HERC1: variants seen among roughly 807,000 people sequenced by gnomAD.
The protein encoded by HERC1 is probable E3 ubiquitin-protein ligase HERC1.
HERC1 carries 160 observed loss-of-function variants against 554.3 expected under a neutral mutation model. The observed-to-expected ratio is 0.29, with a 90% CI of 0.25 to 0.33. HERC1 has a LOEUF of 0.33. Among genes scored for constraint, HERC1 ranks in the 10% least tolerant of loss-of-function variants. The pLI, the probability that HERC1 is intolerant of heterozygous loss-of-function variation, is 1.00. For synonymous variants in HERC1, 2,175 were observed against 2,131.7 expected (o/e 1.02, Z -0.56); for missense variants, 4,919 against 5,918.5 (o/e 0.83, Z 5.54).
At chr15:63,711,692 A>G (rs1240731872) in intron 24 of HERC1, among the ~76,000 whole-genome samples, 1 of 152,236 alleles carries the variant, frequency 6.6e-6, no homozygotes, top group African/African-American at 2.4e-5. Context: ...GAGCTTATAG[A>G]TAAGTCCATC....
intron 52 of HERC1, among the ~76,000 whole-genome samples, chr15:63,651,739 T>C (rs992468341): frequency 7.2e-5 from 11 of 152,288 alleles, no homozygotes; most frequent in Middle Eastern, 3.4e-3. Context: ...CAGCTGGCTA[T>C]AAAACTATTA....
At chr15:63,759,851 C>T (rs950999189) in intron 3 of HERC1, among the ~76,000 whole-genome samples, 4 of 152,100 alleles carry the variant, frequency 2.6e-5, no homozygotes, top group Non-Finnish European at 5.9e-5. Flanking sequence ...TAAATAGTAT[C>T]CAAACAATAG....
In HERC1 at chr15:63,664,525, C is replaced by T. The variant is rs759280991; in HGVS notation, c.8625G>A (p.Ala2875=). The T allele has an allele frequency of 1.1e-5, 18 of 1,613,688 alleles. No homozygotes were observed. The highest frequency in any genetic ancestry group is 3.3e-5 in the South Asian group (3 of 91,040). The change falls in exon 43 of 78, where the codon GCG becomes GCA. Residue 2875 remains alanine (A), a synonymous_variant. Coordinates refer to ENST00000443617, the MANE Select transcript of HERC1 (RefSeq NM_003922.4). Reference sequence around the variant, plus strand: ...AGTCAAACTTGTGTCTTCTTGTTACCGCTGAGCGACCTCTAGCTGATGGTC... The same window carrying T: ...AGTCAAACTTGTGTCTTCTTGTTACTGCTGAGCGACCTCTAGCTGATGGTC... ...GSGPSARGRS[A]VTRRHKFDLA...
Position 63,672,389 on chromosome 15 carries a change from G to C in HERC1, c.8045+107C>G, listed in dbSNP as rs1369133323. ...TATATAATCTCTTAGTTTCTTTCTA[G>C]CTCTAGAACACCAAGATTCAGTTGG... On this transcript the variant is annotated intron_variant, in intron 39 of 77. Coordinates refer to ENST00000443617, the MANE Select transcript of HERC1 (RefSeq NM_003922.4). 8 of 724,962 alleles carry C rather than the reference G, an allele frequency of 1.1e-5. No homozygotes were observed. The South Asian group carries it at 2.1e-4, about 19-fold the overall frequency. The allele number at this position is 724,962 out of a possible 1,614,324, so 44.9% of individuals were successfully genotyped here. A position where few individuals can be genotyped will look rare whatever the true frequency, so the allele number is the denominator to read the frequency against.
At chr15:63,782,324 C>T (rs1567121258) in intron 1 of HERC1, among the ~76,000 whole-genome samples, 2 of 152,208 alleles carry the variant, frequency 1.3e-5, no homozygotes, top group African/African-American at 4.8e-5. Flanking sequence ...AGCCAATGCT[C>T]TTTTACATTC....
At chr15:63,686,609 G>C in intron 33 of HERC1, 74 bp from the exon 34 acceptor site, 1 of 1,245,554 alleles carries the variant, frequency 8.0e-7, no homozygotes, top group South Asian at 1.4e-5. Context: ...GAGGCTCCTT[G>C]GTTTTATCCT....
At chr15:63,816,248 T>A (rs1312445338) in intron 1 of HERC1, among the ~76,000 whole-genome samples, 1 of 152,258 alleles carries the variant, frequency 6.6e-6, no homozygotes, top group Non-Finnish European at 1.5e-5. Flanking sequence ...TGTTAATATG[T>A]ACTTGACATT....
At chr15:63,766,676 T>C (rs974814322) in intron 2 of HERC1, among the ~76,000 whole-genome samples, 1 of 152,232 alleles carries the variant, frequency 6.6e-6, no homozygotes, top group Non-Finnish European at 1.5e-5. Context: ...TAGGGGTTTT[T>C]TTGTTTTGTT....
intron 70 of HERC1, among the ~76,000 whole-genome samples, chr15:63,627,589 G>A (rs571535518): frequency 4.0e-5 from 6 of 151,544 alleles, no homozygotes; most frequent in Non-Finnish European, 7.4e-5. Flanking sequence ...CAGGAGAATC[G>A]CTTGAACCCG....
chr15:63,662,935 G>C, intron 44 of HERC1, 49 bp downstream of exon 44: 1 of 1,417,344 alleles, frequency 7.1e-7, no homozygotes, highest in Non-Finnish European at 9.9e-7. Context: ...TATATGAACA[G>C]GAGGGCAGGA....
At chr15:63,623,485 G>A (rs1189698873) in intron 73 of HERC1, among the ~76,000 whole-genome samples, 2 of 152,106 alleles carry the variant, frequency 1.3e-5, no homozygotes, top group African/African-American at 2.4e-5. Flanking sequence ...CACAACAGAT[G>A]GTGAGTCATT....
At position 63,612,447 on chromosome 15, in the gene HERC1, A is replaced by G. The variant is rs759013265; in HGVS notation, c.14204T>C (p.Val4735Ala). The change falls in exon 77 of 78, where the codon GTG becomes GCG. Residue 4735 changes from valine (V) to alanine (A), a missense_variant. Physicochemically the swap from Val to Ala is moderately conservative, Grantham distance 64. Around this residue, in one of 11 missense-constraint regions of HERC1, gnomAD observed 284 missense variants for 294.1 expected, o/e 0.97. Transcript: ENST00000443617. This position sits in a 1 kb window ranked among gnomAD's most constrained non-coding sequence, Gnocchi z 5.0. ...CCGCACCACTTTCTTCAAGACTTCC[A>G]CAGAGATCTCGGGCATCCCACACAC... ...QMVCGMPEIS[V>A]EVLKKVVRYR... The G allele has an allele frequency of 5.6e-6, 9 of 1,614,004 alleles. No individual in the cohort carries two copies. In the Admixed American group the frequency reaches 8.3e-5, roughly 15 times the overall value.
In HERC1 at chr15:63,630,774, A is replaced by G. The variant is rs77885398; in HGVS notation, c.12797-139T>C. 634 of 760,136 alleles carry G rather than the reference A, an allele frequency of 8.3e-4. 6 individuals are homozygous for G. The African/African-American group carries it at 0.01, about 12-fold the overall frequency. The allele number at this position is 760,136 out of a possible 1,614,324, so 47.1% of individuals were successfully genotyped here. On this transcript the variant is annotated intron_variant, in intron 68 of 77. Transcript: ENST00000443617. ...TAACTCAACTGAGGCTAAAGCTGCT[A>G]TTCTGGAAAGGTACACCACGTTCTG... is the stretch of plus-strand genomic sequence containing the variant.
At chr15:63,632,862 T>A in intron 67 of HERC1, 51 bp from the exon 68 acceptor site, 1 of 1,288,948 alleles carries the variant, frequency 7.8e-7, no homozygotes, top group South Asian at 1.3e-5. Flanking sequence ...AAAAAATCAC[T>A]CTTGAATTTG....
intron 74 of HERC1, among the ~76,000 whole-genome samples, chr15:63,620,638 TG>T (rs2068035020): frequency 6.6e-6 from 1 of 152,054 alleles, no homozygotes; most frequent in African/African-American, 2.4e-5. Flanking sequence ...TAAGTCTCTT[TG>T]TAGGTCACTA....
intron 34 of HERC1, among the ~76,000 whole-genome samples, chr15:63,683,882 G>A (rs1175809946): frequency 6.6e-6 from 1 of 152,190 alleles, no homozygotes; most frequent in African/African-American, 2.4e-5. Context: ...CATTCTAATT[G>A]CCTGGACCTG....
chr15:63,780,435 C>G (rs148423349), intron 1 of HERC1: 2 of 152,166 alleles, frequency 1.3e-5, no homozygotes, highest in Non-Finnish European at 2.9e-5. Context: ...AAAGGTAAAA[C>G]AGAAGGCCGG....
intron 1 of HERC1, among the ~76,000 whole-genome samples, chr15:63,799,197 G>A (rs77832846): frequency 1.3e-5 from 2 of 152,050 alleles, no homozygotes; most frequent in Non-Finnish European, 2.9e-5. Context: ...GATACTTAAG[G>A]CTTTAACAAA....
chr15:63,765,689 G>C (rs1230681917), intron 2 of HERC1, among the ~76,000 whole-genome samples: 2 of 151,864 alleles, frequency 1.3e-5, no homozygotes, highest in Non-Finnish European at 2.9e-5. Flanking sequence ...CCCCCACCTC[G>C]AGTTATCCCA....
Sources: gnomAD v4.1 joint callset for allele counts (sites outside exome capture counted in the v4.1 genomes callset) on GRCh38, gnomAD v4.1.1 for gene constraint, gnomAD v4.1.1 regional missense constraint, Gnocchi (gnomAD v3.1) non-coding constraint, MANE v1.5 for transcripts, NCBI Gene and HGNC (gene_info 2026-07-23, HGNC 2026-07-21) for gene names.